DYRK1A: variants seen among roughly 807,000 people sequenced by gnomAD.
The protein encoded by DYRK1A is dual specificity tyrosine phosphorylation regulated kinase 1A, also known as dual specificity tyrosine-phosphorylation-regulated kinase 1A.
A neutral mutation model predicts 79.7 loss-of-function variants in DYRK1A; 9 were observed. That is an observed-to-expected ratio of 0.11 (90% confidence interval 0.07 to 0.20). The LOEUF is 0.20. DYRK1A is among the 10% of genes least tolerant of loss of function. DYRK1A has a pLI of 1.00. For synonymous variants in DYRK1A, 349 were observed against 329.7 expected (o/e 1.06, Z -0.63); for missense variants, 622 against 956.0 (o/e 0.65, Z 4.61).
chr21:37,368,720 C>T (rs1375844628), intron 1 of DYRK1A, among the ~76,000 whole-genome samples: 1 of 152,102 alleles, frequency 6.6e-6, no homozygotes, highest in East Asian at 1.9e-4. Flanking sequence ...ACTGACTGGT[C>T]TAAGGTCATA....
chr21:37,384,637 T>C (rs1352949612), intron 1 of DYRK1A, among the ~76,000 whole-genome samples: 1 of 152,194 alleles, frequency 6.6e-6, no homozygotes, highest in Non-Finnish European at 1.5e-5. Flanking sequence ...CAAAGATTAC[T>C]AAATGTGTAA....
chr21:37,395,887 T>G (rs777690740), intron 1 of DYRK1A, among the ~76,000 whole-genome samples: 1 of 152,250 alleles, frequency 6.6e-6, no homozygotes, highest in Non-Finnish European at 1.5e-5. Flanking sequence ...GGAAACCTTT[T>G]GTCTTCATAA....
At chr21:37,389,019 CA>C (rs1207277383) in intron 1 of DYRK1A, among the ~76,000 whole-genome samples, 1 of 146,776 alleles carries the variant, frequency 6.8e-6, no homozygotes. Flanking sequence ...GTGCAGTGGC[CA>C]AAAAAAAGCT....
chr21:37,389,082 T>A (rs1240126503), intron 1 of DYRK1A, among the ~76,000 whole-genome samples: 1 of 151,968 alleles, frequency 6.6e-6, no homozygotes, highest in East Asian at 1.9e-4. Flanking sequence ...CTTATTGTGT[T>A]GTCCAGGCTG....
At position 37,519,886 on chromosome 21, in the gene DYRK1A, C is replaced by G. The variant is rs1288976624; in HGVS notation, c.*7355C>G. The stretch of plus-strand genomic sequence containing the variant: ...CCTCCAGAGTAGCTGGGACTACTGG[C>G]GCCCGCCACCACGCCCGGCTAATTT... On this transcript the variant is annotated 3_prime_UTR_variant, in exon 12 of 12. Transcript: ENST00000647188. The G allele has an allele frequency of 6.6e-6, 1 of 151,998 alleles. No homozygotes were observed. Among genetic ancestry groups the G allele is most frequent in the African/African-American group, 2.4e-5 (1 of 41,258 alleles). The allele number at this position is 151,998 out of a possible 1,614,324, so 9.4% of individuals were successfully genotyped here. A position where few individuals can be genotyped will look rare whatever the true frequency, so the allele number is the denominator to read the frequency against.
At chr21:37,450,076 C>G (rs979691139) in intron 2 of DYRK1A, among the ~76,000 whole-genome samples, 1 of 152,188 alleles carries the variant, frequency 6.6e-6, no homozygotes, top group Non-Finnish European at 1.5e-5. Context: ...TGAGCCTCAA[C>G]TTTCCTGCCT....
chr21:37,479,552 ATT>A (rs537740777), intron 4 of DYRK1A, among the ~76,000 whole-genome samples: 9,197 of 71,080 alleles, frequency 0.13, 1,106 homozygotes, highest in African/African-American at 0.35. Context: ...TTCATCTAGT[ATT>A]TTTTTTTTTT....
chr21:37,367,194 C>CGGA lies in DYRK1A; in HGVS notation c.-506_-504dup, dbSNP rs2049324944. On this transcript the variant is annotated 5_prime_UTR_variant, in exon 1 of 12. Coordinates refer to ENST00000647188, the MANE Select transcript of DYRK1A (RefSeq NM_001347721.2). ...GGGCGGGCGGTTCGGGCTCTCCTGG[C>CGGA]GGAGGAGCCGCCGCCGCCGCCCGGG... 1 of 151,536 alleles carries CGGA rather than the reference C, an allele frequency of 6.6e-6. No homozygotes were observed. The highest frequency in any genetic ancestry group is 1.5e-5 in the Non-Finnish European group (1 of 67,846). 9.4% of individuals were successfully genotyped at this position (151,536 alleles called of 1,614,324 possible).
At chr21:37,491,490 C>T (rs1031329362) in intron 7 of DYRK1A, among the ~76,000 whole-genome samples, 3 of 152,062 alleles carry the variant, frequency 2.0e-5, no homozygotes, top group African/African-American at 7.2e-5. Flanking sequence ...TTTTCTGTCC[C>T]GTCCTACTTT....
In DYRK1A at chr21:37,515,989, C is replaced by G. The variant is rs1569412424; in HGVS notation, c.*3458C>G. The G allele has an allele frequency of 6.6e-6, 1 of 152,216 alleles. No homozygotes were observed. Among genetic ancestry groups the G allele is most frequent in the South Asian group, 2.1e-4 (1 of 4,838 alleles). The allele number at this position is 152,216 out of a possible 1,614,324, so 9.4% of individuals were successfully genotyped here. A position where few individuals can be genotyped will look rare whatever the true frequency, so the allele number is the denominator to read the frequency against. ...TTTCTGTTCTTCCAATAGGGAGATACATAATCAAAATACACACGAAGACGA... is the reference window on the plus strand; with the variant it reads ...TTTCTGTTCTTCCAATAGGGAGATAGATAATCAAAATACACACGAAGACGA... On this transcript the variant is annotated 3_prime_UTR_variant, in exon 12 of 12. Transcript: ENST00000647188.
chr21:37,498,488 T>C (rs892042074), intron 9 of DYRK1A, among the ~76,000 whole-genome samples: 1 of 152,212 alleles, frequency 6.6e-6, no homozygotes, highest in African/African-American at 2.4e-5. Flanking sequence ...TCAGCAAATG[T>C]ATTGTTTTTG....
chr21:37,372,469 G>C (rs1310840623), intron 1 of DYRK1A, among the ~76,000 whole-genome samples: 4 of 149,750 alleles, frequency 2.7e-5, no homozygotes, highest in Non-Finnish European at 1.5e-5. Context: ...AAAAAGGTTT[G>C]AACTGTGACA....
chr21:37,389,272 T>A (rs1370458643), intron 1 of DYRK1A, among the ~76,000 whole-genome samples: 2 of 151,926 alleles, frequency 1.3e-5, no homozygotes, highest in Non-Finnish European at 2.9e-5. Context: ...CAGGTGATTT[T>A]CCCACCTCAG....
At chr21:37,366,658 G>C (rs2049311588), upstream of DYRK1A, among the ~76,000 whole-genome samples, 1 of 151,884 alleles carries the variant, frequency 6.6e-6, no homozygotes, top group Non-Finnish European at 1.5e-5. Flanking sequence ...GGAGGGAACG[G>C]AATCTGCCGT....
chr21:37,423,637 A>G (rs1274341369), intron 2 of DYRK1A, among the ~76,000 whole-genome samples: 3 of 152,076 alleles, frequency 2.0e-5, no homozygotes, highest in Non-Finnish European at 4.4e-5. Flanking sequence ...ATGATTTGGG[A>G]AAATCATGTT....
At chr21:37,396,886 C>G (rs1172456212) in intron 1 of DYRK1A, among the ~76,000 whole-genome samples, 1 of 152,142 alleles carries the variant, frequency 6.6e-6, no homozygotes, top group Non-Finnish European at 1.5e-5. Flanking sequence ...TTTGATGGCT[C>G]TAAGAGCATG....
Position 37,523,421 on chromosome 21 carries a change from C to T in DYRK1A, c.*10890C>T, listed in dbSNP as rs536893862. ...AGAAGCTGGGAGGCTCTCCAGGACC[C>T]TGAACAAAGGTGGAAGTAGGGTTGT... On this transcript the variant is annotated 3_prime_UTR_variant, in exon 12 of 12. Transcript: ENST00000647188. 2 of 152,110 alleles carry T rather than the reference C, an allele frequency of 1.3e-5. No individual in the cohort carries two copies. The highest frequency in any genetic ancestry group is 2.9e-5 in the Non-Finnish European group (2 of 68,028). The allele number at this position is 152,110 out of a possible 1,614,324, so 9.4% of individuals were successfully genotyped here. A position where few individuals can be genotyped will look rare whatever the true frequency, so the allele number is the denominator to read the frequency against.
intron 2 of DYRK1A, among the ~76,000 whole-genome samples, chr21:37,441,297 A>G (rs548699275): frequency 6.6e-6 from 1 of 152,220 alleles, no homozygotes; most frequent in East Asian, 1.9e-4. Context: ...TTTCTTACAG[A>G]CACATATAGT....
chr21:37,391,143 G>GA (rs1395935052), intron 1 of DYRK1A, among the ~76,000 whole-genome samples: 1 of 152,190 alleles, frequency 6.6e-6, no homozygotes, highest in Non-Finnish European at 1.5e-5. Context: ...TGGTTCTTTG[G>GA]AGTGGAGAAT....
Sources: gnomAD v4.1 joint callset for allele counts (sites outside exome capture counted in the v4.1 genomes callset) on GRCh38, gnomAD v4.1.1 for gene constraint, MANE v1.5 for transcripts, NCBI Gene and HGNC (gene_info 2026-07-23, HGNC 2026-07-21) for gene names.